The following MNT variants were observed in gnomAD, a reference collection of about 807,000 sequenced individuals.
MNT encodes the protein max-binding protein MNT.
In MNT, 13 loss-of-function variants were observed where a neutral mutation model predicts 40.7. The observed-to-expected ratio is 0.32, with a 90% CI of 0.21 to 0.51. MNT has a LOEUF of 0.51. Among genes scored for constraint, MNT ranks in the 20% least tolerant of loss-of-function variants. MNT has a pLI of 0.98. For synonymous variants in MNT, 426 were observed against 354.8 expected, an observed-to-expected ratio of 1.20 and a Z score of -2.26; for missense variants, 757 against 792.0, an observed-to-expected ratio of 0.96 and a Z score of 0.53.
At chr17:2,388,325 C>T (rs1384586818) in intron 4 of MNT, 2 of 421,956 alleles carry the variant, frequency 4.7e-6, no homozygotes, top group Non-Finnish European at 8.5e-6. Flanking sequence ...CACAATTCAT[C>T]CTCAGGGGCT....
chr17:2,400,107 G>A (rs1472041933), intron 1 of MNT, among the ~76,000 whole-genome samples: 1 of 152,304 alleles, frequency 6.6e-6, no homozygotes, highest in South Asian at 2.1e-4. Flanking sequence ...CCCTCCCCAC[G>A]GGGCCAGGGA....
intron 4 of MNT, among the ~76,000 whole-genome samples, chr17:2,393,603 C>T (rs1222691799): frequency 1.3e-5 from 2 of 152,188 alleles, no homozygotes; most frequent in African/African-American, 4.8e-5. Flanking sequence ...ACGGGGACCA[C>T]GCCCAACCCT....
At chr17:2,391,450 G>C (rs2066513526) in intron 4 of MNT, 1 of 152,288 alleles carries the variant, frequency 6.6e-6, no homozygotes, top group African/African-American at 2.4e-5. Context: ...TGGGTCAAAA[G>C]CTTCTTCTTC....
chr17:2,387,102 T>A lies in MNT; in HGVS notation c.1548A>T (p.Ala516=), dbSNP rs1194739115. The A allele has an allele frequency of 6.3e-7, 1 of 1,579,664 alleles. No individual in the cohort carries two copies. The highest frequency in any genetic ancestry group is 1.3e-5 in the African/African-American group (1 of 74,514). The change falls in exon 6 of 6, where the codon GCA becomes GCT. Residue 516 remains alanine (A), a synonymous_variant. Transcript: ENST00000174618. ...AGAGGGTGTGGGCGATGTGGCTCAC[T>A]GCCACGGGCTGCGGGTACAAGGGCA... The part of the protein sequence containing the change: ...SQLPLYPQPV[A]VSHIAHTLSH...
At chr17:2,393,979 C>T in intron 4 of MNT, 64 bp downstream of exon 4, 7 of 1,154,274 alleles carry the variant, frequency 6.1e-6, no homozygotes, top group Non-Finnish European at 7.1e-6. Flanking sequence ...GGGGCGCGGC[C>T]GGGGGAGGGG....
chr17:2,397,485 TC>T (rs894904290), intron 1 of MNT, among the ~76,000 whole-genome samples: 4 of 152,114 alleles, frequency 2.6e-5, no homozygotes, highest in Admixed American at 6.5e-5. Flanking sequence ...ATCAGGGCCC[TC>T]CCTGAGTCAC....
intron 1 of MNT, among the ~76,000 whole-genome samples, chr17:2,399,634 C>T (rs1011747551): frequency 1.1e-4 from 16 of 152,030 alleles, no homozygotes; most frequent in Admixed American, 2.6e-4. Flanking sequence ...AGCGCAAGGC[C>T]CCTTGCCAGC....
chr17:2,397,986 A>G (rs2151672347), intron 1 of MNT, among the ~76,000 whole-genome samples: 1 of 152,388 alleles, frequency 6.6e-6, no homozygotes, highest in East Asian at 1.9e-4. Flanking sequence ...TCAAGAGCAG[A>G]GCCAGCGTGC....
rs1004300092 is a variant in MNT at position 2,384,302 on chromosome 17, C to T, written c.*2599G>A. The T allele has an allele frequency of 6.6e-6, 1 of 151,190 alleles. No homozygotes were observed. The highest frequency in any genetic ancestry group is 1.5e-5 in the Non-Finnish European group (1 of 67,904). The allele number at this position is 151,190 out of a possible 1,614,324, so 9.4% of individuals were successfully genotyped here. A position where few individuals can be genotyped will look rare whatever the true frequency, so the allele number is the denominator to read the frequency against. ...CATAAAAATCTCTACAGTCTGGGGT[C>T]GCTACAGTTTATATTTCAGGAAACA... is the stretch of plus-strand genomic sequence containing the variant. On this transcript the variant is annotated 3_prime_UTR_variant, in exon 6 of 6. Coordinates refer to ENST00000174618, the MANE Select transcript of MNT (RefSeq NM_020310.3).
intron 4 of MNT, among the ~76,000 whole-genome samples, chr17:2,393,058 C>G (rs1308095131): frequency 6.6e-6 from 1 of 152,034 alleles, no homozygotes; most frequent in African/African-American, 2.4e-5. Context: ...TCCTCGCCAC[C>G]CCTCCCACGG....
At chr17:2,393,977 G>C (rs1414860862) in intron 4 of MNT, 66 bp downstream of exon 4, 3 of 1,174,200 alleles carry the variant, frequency 2.6e-6, no homozygotes, top group Admixed American at 6.0e-5. Flanking sequence ...GCGGGGCGCG[G>C]CCGGGGGAGG....
rs890018313 is a variant in MNT, at chr17:2,394,271, ACGCACG to A, written c.695+28_695+33del. ...CGGGGCCCGGGTCGCGCGCGCACGC[ACGCACG>A]CACACACACACACACACACACACAC... On this transcript the variant is annotated intron_variant, in intron 3 of 5. Transcript: ENST00000174618. The A allele has an allele frequency of 1.0e-5, 16 of 1,551,490 alleles. No individual in the cohort carries two copies. The African/African-American group carries it at 1.3e-4, about 12-fold the overall frequency.
At chr17:2,399,785 G>A (rs906047148) in intron 1 of MNT, among the ~76,000 whole-genome samples, 5 of 152,234 alleles carry the variant, frequency 3.3e-5, no homozygotes, top group Admixed American at 3.3e-4. Context: ...CAACGGGCTC[G>A]GAACGCAGGC....
At chr17:2,390,339 CT>C (rs2066503289) in intron 4 of MNT, 1 of 152,326 alleles carries the variant, frequency 6.6e-6, no homozygotes, top group Non-Finnish European at 1.5e-5. Flanking sequence ...CTTTCATCCC[CT>C]AGGGCGGGGG....
rs140281634 is a variant in MNT at position 2,387,720 on chromosome 17, G to A, written c.1001-71C>T. Reference sequence around the variant, plus strand: ...CAAGTGGCTGGAGGCGTAGATGCTCGTGGGGGCGTGGGAATGTGATGGGGC... The same window carrying A: ...CAAGTGGCTGGAGGCGTAGATGCTCATGGGGGCGTGGGAATGTGATGGGGC... On this transcript the variant is annotated intron_variant, in intron 5 of 5. Transcript: ENST00000174618. The A allele has an allele frequency of 1.2e-4, 184 of 1,581,282 alleles. No homozygotes were observed. The African/African-American group carries it at 1.5e-3, about 13-fold the overall frequency.
At chr17:2,399,601 G>C (rs1472158026) in intron 1 of MNT, among the ~76,000 whole-genome samples, 2 of 152,118 alleles carry the variant, frequency 1.3e-5, no homozygotes, top group Non-Finnish European at 2.9e-5. Context: ...CCAGAGGCCG[G>C]GGCCCGGGCC....
intron 3 of MNT, 27 bp downstream of exon 3, chr17:2,394,278 C>CACACACAA (rs1555611880): frequency 1.5e-6 from 1 of 661,846 alleles, no homozygotes; most frequent in South Asian, 2.1e-5. Flanking sequence ...CGCACGCACG[C>CACACACAA]ACACACACAC....
At chr17:2,394,484 C>A in intron 2 of MNT, 138 bp from the exon 3 acceptor site, 1 of 1,269,320 alleles carries the variant, frequency 7.9e-7, no homozygotes, top group Non-Finnish European at 1.1e-6. Flanking sequence ...GACGTTCGCC[C>A]TGTGCCATGC....
At position 2,387,201 on chromosome 17, in the gene MNT, A is replaced by G. The variant is rs764947446; in HGVS notation, c.1449T>C (p.Pro483=). The change falls in exon 6 of 6, where the codon CCT becomes CCC. Residue 483 remains proline (P), a synonymous_variant. Coordinates refer to ENST00000174618, the MANE Select transcript of MNT (RefSeq NM_020310.3). Reference sequence around the variant, plus strand: ...TGATGTGCCCAATGGGGGGTGTGGCAGGCGCCAGTTGCACCGCAGGGCTGG... The same window carrying G: ...TGATGTGCCCAATGGGGGGTGTGGCGGGCGCCAGTTGCACCGCAGGGCTGG... ...SAPSPAVQLA[P]ATPPIGHITV... 23 of 1,608,006 alleles carry G rather than the reference A, an allele frequency of 1.4e-5. No individual in the cohort carries two copies. The highest frequency in any genetic ancestry group is 3.3e-5 in the South Asian group (3 of 90,260).
Sources: allele counts gnomAD v4.1 joint callset (sites outside exome capture counted in the v4.1 genomes callset), GRCh38; gene constraint gnomAD v4.1.1; transcripts MANE v1.5; gene names NCBI Gene and HGNC (gene_info 2026-07-23, HGNC 2026-07-21).